The following FHIT variants were observed in gnomAD, a reference collection of about 807,000 sequenced individuals.
FHIT encodes bis(5'-adenosyl)-triphosphatase.
Under a neutral mutation model 17.9 loss-of-function variants are expected in FHIT, and 19 were observed. The ratio of observed to expected loss-of-function variants is 1.06; its 90% CI spans 0.74 to 1.56. The LOEUF (loss-of-function observed/expected upper bound fraction) is 1.56. Ranked by LOEUF, FHIT falls within the 40% of genes most tolerant of loss-of-function variation. The probability of loss-of-function intolerance (pLI) is 0.00; values close to 1 mark genes in which losing one functional copy is unlikely to be tolerated. For missense variants in FHIT, 248 were observed against 189.2 expected (o/e 1.31, Z -1.82); for synonymous variants, 81 against 69.7 (o/e 1.16, Z -0.81).
chr3:60,516,437 T>C (rs2107554429), intron 5 of FHIT, among the ~76,000 whole-genome samples: 1 of 152,200 alleles, frequency 6.6e-6, no homozygotes, highest in Non-Finnish European at 1.5e-5. Context: ...AGACATATAG[T>C]TGGAAAAGGA....
chr3:60,222,854 T>C (rs895764377), intron 5 of FHIT, among the ~76,000 whole-genome samples: 5 of 151,994 alleles, frequency 3.3e-5, no homozygotes, highest in Admixed American at 2.6e-4. Flanking sequence ...TGAGACAAGA[T>C]CGTACCACTG....
chr3:60,792,193 G>A (rs1213918234), intron 4 of FHIT, among the ~76,000 whole-genome samples: 2 of 152,166 alleles, frequency 1.3e-5, no homozygotes, highest in Admixed American at 6.5e-5. Context: ...TTTAGACACC[G>A]TTTTCTCCTC....
chr3:59,987,079 TTATA>T (rs1017005452), intron 7 of FHIT, among the ~76,000 whole-genome samples: 10 of 137,034 alleles, frequency 7.3e-5, no homozygotes, highest in African/African-American at 1.8e-4. Flanking sequence ...TATATCTATA[TTATA>T]TATAGATATG....
rs183639173 is a variant in FHIT at position 60,172,553 on chromosome 3, G to A, written c.104-158401C>T. Among the ~76,000 whole-genome samples the A allele has an allele frequency of 8.1e-3, 1,234 of 152,150 alleles. 5 individuals carry two copies. Among genetic ancestry groups the A allele is most frequent in the Middle Eastern group, 0.017 (5 of 294 alleles). ...GGCCTCCCAAAGTGCTGGGATTAAAGGCGTGAGCCACTGCACCAGGACTGA... is the reference window on the plus strand; with the variant it reads ...GGCCTCCCAAAGTGCTGGGATTAAAAGCGTGAGCCACTGCACCAGGACTGA... On this transcript the variant is annotated intron_variant, in intron 5 of 9. Coordinates refer to ENST00000492590, the MANE Select transcript of FHIT (RefSeq NM_002012.4).
At chr3:59,836,240 C>T (rs546902215) in intron 8 of FHIT, among the ~76,000 whole-genome samples, 13 of 152,272 alleles carry the variant, frequency 8.5e-5, no homozygotes, top group African/African-American at 3.1e-4. Flanking sequence ...CTCAAAATTT[C>T]ACAGGTTGAG....
chr3:60,888,061 C>T (rs782100184), intron 3 of FHIT, among the ~76,000 whole-genome samples: 11 of 152,004 alleles, frequency 7.2e-5, no homozygotes, highest in African/African-American at 9.7e-5. Context: ...TAATTAAGTC[C>T]GGCCTGAAAT....
chr3:59,992,486 C>T lies in FHIT; in HGVS notation c.279+18885G>A, dbSNP rs527332622. Reference sequence around the variant, plus strand: ...TTCCCTATTAGCGCATCTTTAGAAGCGTATACCAACAACACATCAGGATTT... The same window carrying T: ...TTCCCTATTAGCGCATCTTTAGAAGTGTATACCAACAACACATCAGGATTT... On this transcript the variant is annotated intron_variant, in intron 7 of 9. Transcript: ENST00000492590. 7.4e-4 allele frequency among the ~76,000 whole-genome samples: 112 copies of T among 152,146 alleles called. 1 individual carries two copies. Among genetic ancestry groups the T allele is most frequent in the African/African-American group, 2.0e-3 (83 of 41,534 alleles).
chr3:60,662,574 G>A (rs2040283744), intron 4 of FHIT, among the ~76,000 whole-genome samples: 1 of 152,004 alleles, frequency 6.6e-6, no homozygotes, highest in Non-Finnish European at 1.5e-5. Flanking sequence ...CTAGTTCTAT[G>A]AAGAATGATG....
At chr3:60,030,852 A>C (rs1013221548) in intron 5 of FHIT, among the ~76,000 whole-genome samples, 5 of 152,240 alleles carry the variant, frequency 3.3e-5, no homozygotes, top group African/African-American at 1.2e-4. Context: ...AATAAAAATA[A>C]ATAAATAAAA....
chr3:59,851,148 T>A (rs557067180), intron 8 of FHIT, among the ~76,000 whole-genome samples: 2 of 152,100 alleles, frequency 1.3e-5, no homozygotes, highest in South Asian at 4.2e-4. Context: ...TTCCAGACAG[T>A]CAGCTGATGG....
At chr3:59,907,465 T>C (rs900721618) in intron 8 of FHIT, among the ~76,000 whole-genome samples, 4 of 152,224 alleles carry the variant, frequency 2.6e-5, no homozygotes, top group Non-Finnish European at 5.9e-5. Context: ...AAATGATTCA[T>C]GCAGGGATAA....
intron 8 of FHIT, among the ~76,000 whole-genome samples, chr3:59,856,756 T>A (rs1702173772): frequency 6.6e-6 from 1 of 152,016 alleles, no homozygotes; most frequent in Admixed American, 6.5e-5. Context: ...TATCTAATTC[T>A]GTGGGAATTA....
intron 2 of FHIT, among the ~76,000 whole-genome samples, chr3:61,133,018 T>C (rs140318187): frequency 1.3e-5 from 2 of 152,310 alleles, no homozygotes; most frequent in East Asian, 3.9e-4. Flanking sequence ...TCAATGGTAG[T>C]TGGCGACTAT....
chr3:60,116,770 A>G lies in FHIT; in HGVS notation c.104-102618T>C, dbSNP rs74827199. 4.4e-3 allele frequency among the ~76,000 whole-genome samples: 676 copies of G among 152,248 alleles called. 9 individuals are homozygous for G. The East Asian group carries it at 0.053, about 12-fold the overall frequency. On this transcript the variant is annotated intron_variant, in intron 5 of 9. Coordinates refer to ENST00000492590, the MANE Select transcript of FHIT (RefSeq NM_002012.4). Reference sequence around the variant, plus strand: ...GAGCAAGGCACTGAGAAATCACACCATGACGCAAATGACTTTCTCTGTTGA... The same window carrying G: ...GAGCAAGGCACTGAGAAATCACACCGTGACGCAAATGACTTTCTCTGTTGA...
intron 2 of FHIT, among the ~76,000 whole-genome samples, chr3:61,083,692 T>C (rs1171869430): frequency 6.6e-6 from 1 of 152,254 alleles, no homozygotes; most frequent in Non-Finnish European, 1.5e-5. Flanking sequence ...ATCCACTCTC[T>C]GTCTTTATTG....
At chr3:59,912,987 C>G (rs1255957544) in intron 8 of FHIT, among the ~76,000 whole-genome samples, 1 of 152,194 alleles carries the variant, frequency 6.6e-6, no homozygotes, top group East Asian at 1.9e-4. Context: ...ATTTTAGAAG[C>G]TTGGCTAGAG....
At chr3:60,045,861 A>T (rs1038008255) in intron 5 of FHIT, among the ~76,000 whole-genome samples, 3 of 152,198 alleles carry the variant, frequency 2.0e-5, no homozygotes, top group African/African-American at 7.2e-5. Context: ...ACGCTTGGAA[A>T]GGCATGGTGA....
At position 60,789,810 on chromosome 3, in the gene FHIT, TA is replaced by T. The variant is rs1439328463; in HGVS notation, c.-18+32108del. On this transcript the variant is annotated intron_variant, in intron 4 of 9. Coordinates refer to ENST00000492590, the MANE Select transcript of FHIT (RefSeq NM_002012.4). ...TAAATGGTCCTGTGGAAATAGTAACTAAAACAATTATACTGTTAATAATTCA... is the reference window on the plus strand; with the variant it reads ...TAAATGGTCCTGTGGAAATAGTAACTAAACAATTATACTGTTAATAATTCA... Among the ~76,000 whole-genome samples, 8 of 152,266 alleles carry T rather than the reference TA, an allele frequency of 5.3e-5. No individual in the cohort carries two copies. In the East Asian group the frequency reaches 1.5e-3, roughly 29 times the overall value.
intron 5 of FHIT, among the ~76,000 whole-genome samples, chr3:60,451,599 C>T (rs1472932689): frequency 3.9e-5 from 6 of 152,230 alleles, no homozygotes; most frequent in East Asian, 3.9e-4. Context: ...TATTAAATAT[C>T]AGTTGATTAT....
Sources: allele counts gnomAD v4.1 joint callset (sites outside exome capture counted in the v4.1 genomes callset), GRCh38; gene constraint gnomAD v4.1.1; transcripts MANE v1.5; gene names NCBI Gene and HGNC (gene_info 2026-07-23, HGNC 2026-07-21).